The following GRK5 variants were observed in gnomAD, a reference collection of about 807,000 sequenced individuals.
GRK5 encodes the protein G protein-coupled receptor kinase 5.
A neutral mutation model predicts 78.4 loss-of-function variants in GRK5; 40 were observed. The ratio of observed to expected loss-of-function variants is 0.51; its 90% CI spans 0.40 to 0.66. The LOEUF is 0.66. Among genes scored for constraint, GRK5 ranks in the 30% least tolerant of loss-of-function variants. GRK5 has a pLI of 0.00. For synonymous variants in GRK5, 289 were observed against 296.8 expected (o/e 0.97, Z 0.27); for missense variants, 598 against 759.9 (o/e 0.79, Z 2.50).
intron 1 of GRK5, among the ~76,000 whole-genome samples, chr10:119,256,263 T>C (rs1849284181): frequency 6.6e-6 from 1 of 152,102 alleles, no homozygotes; most frequent in Admixed American, 6.5e-5. Flanking sequence ...AGATTTGCCT[T>C]TCCCTCTGGG....
At chr10:119,224,746 T>C (rs919034924) in intron 1 of GRK5, among the ~76,000 whole-genome samples, 4 of 152,174 alleles carry the variant, frequency 2.6e-5, no homozygotes, top group African/African-American at 4.8e-5. Flanking sequence ...CGAGGTAATA[T>C]GGTATCTTCT....
intron 5 of GRK5, among the ~76,000 whole-genome samples, chr10:119,424,692 T>G (rs1463924010): frequency 1.3e-5 from 2 of 152,202 alleles, no homozygotes; most frequent in East Asian, 3.8e-4. Context: ...TCTGGGATCA[T>G]TTATTTCATG....
At position 119,431,319 on chromosome 10, in the gene GRK5, G is replaced by A. The variant is rs1589806835; in HGVS notation, c.598-68G>A. The A allele has an allele frequency of 9.8e-6, 15 of 1,536,314 alleles. 1 individual carries two copies. Among genetic ancestry groups the A allele is most frequent in the East Asian group, 9.2e-5 (4 of 43,362 alleles). ...TCTACCTGGGAGGCCTGTGGTCCCC[G>A]CCCTGGAGGAGCTCGGGGCAGGCCT... On this transcript the variant is annotated intron_variant, in intron 7 of 15. Transcript: ENST00000392870. The surrounding 1 kb of genome is among the most constrained non-coding windows in gnomAD (Gnocchi z 4.8).
At position 119,412,717 on chromosome 10, in the gene GRK5, A is replaced by G. The variant is rs1007013590; in HGVS notation, c.340-10449A>G. Among the ~76,000 whole-genome samples the G allele has an allele frequency of 1.3e-5, 2 of 152,170 alleles. No homozygotes were observed. Among genetic ancestry groups the G allele is most frequent in the East Asian group, 3.8e-4 (2 of 5,198 alleles). On this transcript the variant is annotated intron_variant, in intron 4 of 15. Transcript: ENST00000392870. This position sits in a 1 kb window ranked among gnomAD's most constrained non-coding sequence, Gnocchi z 4.3. ...TTTCTTCCTGTCAGCCAGGCCTTAA[A>G]TCAACCCTCAAGTGAGGAAATGCTC... is the stretch of plus-strand genomic sequence containing the variant.
chr10:119,323,165 A>G (rs965277225), intron 1 of GRK5, among the ~76,000 whole-genome samples: 2 of 152,204 alleles, frequency 1.3e-5, no homozygotes, highest in African/African-American at 4.8e-5. Context: ...ATGGGAGTTA[A>G]TGTTTAATGG....
chr10:119,429,948 C>T (rs1383355868), intron 6 of GRK5, among the ~76,000 whole-genome samples: 1 of 152,112 alleles, frequency 6.6e-6, no homozygotes, highest in African/African-American at 2.4e-5. Flanking sequence ...GCTGTGACCT[C>T]CTTCGCGTCC....
Position 119,366,368 on chromosome 10 carries a change from GGAGA to G in GRK5, c.149-14440_149-14437del, listed in dbSNP as rs201944256. ...CAGGGGAGGCAAAGGGGGTGGCGGA[GGAGA>G]GAGAGAATTTACAGCTTAGTTGGGG... On this transcript the variant is annotated intron_variant, in intron 2 of 15. Transcript: ENST00000392870. 8.2e-3 allele frequency among the ~76,000 whole-genome samples: 1,248 copies of G among 152,262 alleles called. 15 individuals are homozygous for G. Among genetic ancestry groups the G allele is most frequent in the African/African-American group, 0.029 (1,205 of 41,532 alleles).
chr10:119,448,122 G>T lies in GRK5; in HGVS notation c.1267-1G>T. On this transcript the variant is annotated splice_acceptor_variant, in intron 12 of 15. Coordinates refer to ENST00000392870, the MANE Select transcript of GRK5 (RefSeq NM_005308.3). LOFTEE classifies it high-confidence loss of function. Reference sequence around the variant, plus strand: ...TGGCTTCATGGGGCTCTCTGTTTCAGCTGCTCACGAAAGATGCGAAGCAGA... The same window carrying T: ...TGGCTTCATGGGGCTCTCTGTTTCATCTGCTCACGAAAGATGCGAAGCAGA... 6.5e-7 allele frequency: 1 copy of T among 1,545,296 alleles called. No individual in the cohort carries two copies.
chr10:119,320,722 G>A (rs1030396690), intron 1 of GRK5, among the ~76,000 whole-genome samples: 3 of 152,234 alleles, frequency 2.0e-5, no homozygotes, highest in African/African-American at 7.2e-5. Flanking sequence ...GGGAAATAAA[G>A]CTTAGGAAGA....
At chr10:119,391,109 A>G (rs755581986) in intron 3 of GRK5, among the ~76,000 whole-genome samples, 1 of 152,216 alleles carries the variant, frequency 6.6e-6, no homozygotes, top group Non-Finnish European at 1.5e-5. Context: ...TCTCCACCCA[A>G]TGTGGACAGG....
chr10:119,311,788 A>G (rs75181046), intron 1 of GRK5, among the ~76,000 whole-genome samples: 1 of 82,410 alleles, frequency 1.2e-5, no homozygotes, highest in Non-Finnish European at 2.9e-5. Flanking sequence ...GACTGTCTCC[A>G]AAAAAAAAAA....
intron 2 of GRK5, among the ~76,000 whole-genome samples, chr10:119,337,564 A>T (rs1850912168): frequency 6.6e-6 from 1 of 151,888 alleles, no homozygotes; most frequent in Non-Finnish European, 1.5e-5. Context: ...CCCTGTCTTC[A>T]CCTTCACTCG....
intron 2 of GRK5, among the ~76,000 whole-genome samples, chr10:119,366,517 C>T (rs1851453060): frequency 6.6e-6 from 1 of 152,182 alleles, no homozygotes; most frequent in African/African-American, 2.4e-5. Flanking sequence ...GGGGCAGCTA[C>T]TCGGCTCAGC....
At chr10:119,216,257 A>G (rs1359643072) in intron 1 of GRK5, among the ~76,000 whole-genome samples, 4 of 152,226 alleles carry the variant, frequency 2.6e-5, no homozygotes, top group Admixed American at 2.6e-4. Flanking sequence ...TAATCTGTGG[A>G]ATATCAAAAA....
intron 10 of GRK5, 74 bp from the exon 11 acceptor site, chr10:119,441,925 C>A: frequency 8.2e-7 from 1 of 1,220,996 alleles, no homozygotes; most frequent in Non-Finnish European, 1.2e-6. Flanking sequence ...GTATGCCTTG[C>A]CCAAGGGCAC....
At chr10:119,256,249 G>C (rs547652671) in intron 1 of GRK5, among the ~76,000 whole-genome samples, 1 of 152,080 alleles carries the variant, frequency 6.6e-6, no homozygotes, top group Non-Finnish European at 1.5e-5. Context: ...CTGCATTCCC[G>C]GCCAGATTTG....
chr10:119,349,296 G>A (rs902298306), intron 2 of GRK5, among the ~76,000 whole-genome samples: 42 of 152,326 alleles, frequency 2.8e-4, no homozygotes, highest in African/African-American at 1.0e-3. Flanking sequence ...GAGGACAGCC[G>A]CTGAAGGCAG....
chr10:119,245,553 C>T (rs1265081022), intron 1 of GRK5, among the ~76,000 whole-genome samples: 4 of 152,102 alleles, frequency 2.6e-5, no homozygotes, highest in African/African-American at 9.7e-5. Context: ...CAATTCCATT[C>T]ATATGAGAAA....
intron 4 of GRK5, among the ~76,000 whole-genome samples, chr10:119,414,730 C>T (rs936630209): frequency 1.3e-5 from 2 of 152,088 alleles, no homozygotes; most frequent in African/African-American, 4.8e-5. Context: ...GAAGATCAAA[C>T]AAGGTTACTC....
Sources: gnomAD v4.1 joint callset for allele counts (sites outside exome capture counted in the v4.1 genomes callset) on GRCh38, gnomAD v4.1.1 for gene constraint, Gnocchi (gnomAD v3.1) non-coding constraint, MANE v1.5 for transcripts, NCBI Gene and HGNC (gene_info 2026-07-23, HGNC 2026-07-21) for gene names.